Variants in KISS1R observed in about 807,000 individuals in gnomAD.
The protein encoded by KISS1R is KISS1 receptor.
In KISS1R, 19 loss-of-function variants were observed where a neutral mutation model predicts 22.0. The observed-to-expected ratio is 0.86, with a 90% CI of 0.60 to 1.26. The LOEUF is 1.26. Ranked by LOEUF, KISS1R falls within the 50% of genes most tolerant of loss-of-function variation. The probability of loss-of-function intolerance (pLI) is 0.00; values close to 1 mark genes in which losing one functional copy is unlikely to be tolerated. For missense variants in KISS1R, 653 were observed against 581.9 expected (o/e 1.12, Z -1.26); for synonymous variants, 302 against 283.9 (o/e 1.06, Z -0.64).
chr19:919,568 G>T lies in KISS1R; in HGVS notation c.448G>T (p.Ala150Ser), dbSNP rs1445430129. The change falls in exon 3 of 5, where the codon GCC becomes TCC. Residue 150 changes from alanine (A) to serine (S), a missense_variant. Ala to Ser is a moderately conservative substitution (Grantham distance 99). Transcript: ENST00000234371. Reference sequence around the variant, plus strand: ...GTACGTGACGGTGTTCCCGTTGCGCGCCCTGCACCGCCGCACGCCCCGCCT... The same window carrying T: ...GTACGTGACGGTGTTCCCGTTGCGCTCCCTGCACCGCCGCACGCCCCGCCT... ...RWYVTVFPLRALHRRTPRLAL... is the reference protein window; with the variant it reads ...RWYVTVFPLRSLHRRTPRLAL... 6.4e-6 allele frequency: 10 copies of T among 1,555,940 alleles called. No homozygotes were observed. Among genetic ancestry groups the T allele is most frequent in the Non-Finnish European group, 8.7e-6 (10 of 1,154,020 alleles).
At position 918,577 on chromosome 19, in the gene KISS1R, T is replaced by A; in HGVS notation, c.278T>A (p.Leu93Gln). 1 of 1,551,464 alleles carries A rather than the reference T, an allele frequency of 6.4e-7. No individual in the cohort carries two copies. Residue 93 changes from leucine to glutamine, a missense_variant, in exon 2 of 5, where the codon CTG (leucine) becomes CAG (glutamine). Physicochemically the swap from Leu to Gln is moderately radical, Grantham distance 113. Coordinates refer to ENST00000234371, the MANE Select transcript of KISS1R (RefSeq NM_032551.5). ...NLAATDVTFL[L>Q]CCVPFTALLY... The stretch of plus-strand genomic sequence containing the variant: ...GCGGCCACGGACGTGACCTTCCTCC[T>A]GTGCTGCGTCCCCTTCACGGCCCTG...
At chr19:918,013 C>G (rs2037073566) in intron 1 of KISS1R, among the ~76,000 whole-genome samples, 1 of 152,176 alleles carries the variant, frequency 6.6e-6, no homozygotes, top group African/African-American at 2.4e-5. Context: ...CGGGGCTCGC[C>G]CCGGTGCAGC....
rs2037068918 is a variant in KISS1R, at chr19:917,692, A to G, written c.190A>G (p.Ile64Val). ...GGGCCTGGTGGGGAACTCGCTGGTC[A>G]TCTACGTCATCTGCCGCCACAAGCC... is the stretch of plus-strand genomic sequence containing the variant. ...LLGLVGNSLV[I>V]YVICRHKPMR... Residue 64 changes from isoleucine (I) to valine (V), a missense_variant, in exon 1 of 5, where the codon ATC (isoleucine) becomes GTC (valine). Transcript: ENST00000234371. The G allele has an allele frequency of 1.3e-6, 2 of 1,596,474 alleles. No individual in the cohort carries two copies. The highest frequency in any genetic ancestry group is 1.7e-5 in the Admixed American group (1 of 57,582).
At position 920,605 on chromosome 19, in the gene KISS1R, G is replaced by A. The variant is rs2037112587; in HGVS notation, c.1054G>A (p.Gly352Arg). 3 of 1,395,794 alleles carry A rather than the reference G, an allele frequency of 2.1e-6. No homozygotes were observed. Among genetic ancestry groups the A allele is most frequent in the African/African-American group, 3.0e-5 (2 of 65,582 alleles). 86.5% of individuals were successfully genotyped at this position (1,395,794 alleles called of 1,614,324 possible). The change falls in exon 5 of 5, where the codon GGA becomes AGA. Residue 352 changes from glycine (G) to arginine (R), a missense_variant. Physicochemically the swap from Gly to Arg is moderately radical, Grantham distance 125 (BLOSUM62 -2). Coordinates refer to ENST00000234371, the MANE Select transcript of KISS1R (RefSeq NM_032551.5). ...CCGCCCCCGCCGCCCCCGCCGGCCC[G>A]GACCCTCGGACCCCGCAGCCCCACA... ...PRRPRRPRRP[G>R]PSDPAAPHAE...
Position 919,976 on chromosome 19 carries a change from C to T in KISS1R, c.608C>T (p.Ala203Val). ...TTCCCCAGCCGCGCCCTGGAGCGCG[C>T]CTTCGCACTGTACAACCTGCTGGCG... ...EAFPSRALER[A>V]FALYNLLALY... Residue 203 changes from alanine to valine, a missense_variant, in exon 4 of 5, where the codon GCC becomes GTC. Physicochemically the swap from Ala to Val is moderately conservative, Grantham distance 64. Coordinates refer to ENST00000234371, the MANE Select transcript of KISS1R (RefSeq NM_032551.5). 1 of 1,568,504 alleles carries T rather than the reference C, an allele frequency of 6.4e-7. No individual in the cohort carries two copies. The highest frequency in any genetic ancestry group is 8.6e-7 in the Non-Finnish European group (1 of 1,159,684).
Position 920,030 on chromosome 19 carries a change from G to A in KISS1R, c.662G>A (p.Cys221Tyr). ...ALYLLPLLAT[C>Y]ACYAAMLRHL... ...TACCTGCTGCCGCTGCTCGCCACCT[G>A]CGCCTGCTATGCGGCCATGCTGCGC... Residue 221 changes from cysteine (C) to tyrosine (Y), a missense_variant, in exon 4 of 5, where the codon TGC (cysteine) becomes TAC (tyrosine). Transcript: ENST00000234371. 2 of 1,540,412 alleles carry A rather than the reference G, an allele frequency of 1.3e-6. No individual in the cohort carries two copies. The highest frequency in any genetic ancestry group is 2.4e-5 in the South Asian group (2 of 84,086).
In KISS1R at chr19:917,592, G is replaced by T; in HGVS notation, c.90G>T (p.Ser30=). The T allele has an allele frequency of 6.5e-7, 1 of 1,546,284 alleles. No individual in the cohort carries two copies. The highest frequency in any genetic ancestry group is 2.4e-5 in the East Asian group (1 of 40,894). Residue 30 remains serine (S), a synonymous_variant, in exon 1 of 5, where the codon TCG becomes TCT. Transcript: ENST00000234371. ...GCCCGGGCTGTGGCGCCAACGCCTCGGACGGCCCAGTCCCTTCGCCGCGGG... is the reference window on the plus strand; with the variant it reads ...GCCCGGGCTGTGGCGCCAACGCCTCTGACGGCCCAGTCCCTTCGCCGCGGG... The part of the protein sequence containing the change: ...SGCPGCGANA[S]DGPVPSPRAV...
Position 918,549 on chromosome 19 carries a change from C to G in KISS1R, c.250C>G (p.Leu84Val), listed in dbSNP as rs369796710. ...CCCGCGCATCCCCACCGCAGCCAACCTGGCGGCCACGGACGTGACCTTCCT... is the reference window on the plus strand; with the variant it reads ...CCCGCGCATCCCCACCGCAGCCAACGTGGCGGCCACGGACGTGACCTTCCT... ...RTVTNFYIAN[L>V]AATDVTFLLC... The change falls in exon 2 of 5, where the codon CTG (leucine) becomes GTG (valine). Residue 84 changes from leucine (L) to valine (V), a missense_variant. Coordinates refer to ENST00000234371, the MANE Select transcript of KISS1R (RefSeq NM_032551.5). 1 of 1,549,850 alleles carries G rather than the reference C, an allele frequency of 6.5e-7. No homozygotes were observed. The highest frequency in any genetic ancestry group is 8.7e-7 in the Non-Finnish European group (1 of 1,147,242).
In KISS1R at chr19:917,672, T is replaced by C. The variant is rs1452815582; in HGVS notation, c.170T>C (p.Leu57Pro). The change falls in exon 1 of 5, where the codon CTG (leucine) becomes CCG (proline). Residue 57 changes from leucine to proline, a missense_variant. Physicochemically the swap from Leu to Pro is moderately conservative, Grantham distance 98 (BLOSUM62 -3). Coordinates refer to ENST00000234371, the MANE Select transcript of KISS1R (RefSeq NM_032551.5). Reference sequence around the variant, plus strand: ...TTCGCGGCGCTGATGCTGCTGGGCCTGGTGGGGAACTCGCTGGTCATCTAC... The same window carrying C: ...TTCGCGGCGCTGATGCTGCTGGGCCCGGTGGGGAACTCGCTGGTCATCTAC... ...LFFAALMLLGLVGNSLVIYVI... is the reference protein window; with the variant it reads ...LFFAALMLLGPVGNSLVIYVI... 2 of 1,596,026 alleles carry C rather than the reference T, an allele frequency of 1.3e-6. No individual in the cohort carries two copies. Among genetic ancestry groups the C allele is most frequent in the Admixed American group, 1.7e-5 (1 of 57,302 alleles).
Position 920,280 on chromosome 19 carries a change from AC to A in KISS1R, c.739-3del, listed in dbSNP as rs527398797. On this transcript the variant is annotated splice_polypyrimidine_tract_variant and intron_variant, in intron 4 of 4. Transcript: ENST00000234371. ...CCTTTCGTCTAACCACCTTCACGGCACCCCCCCAGGGGCAGGTGCTGGCAGA... is the reference window on the plus strand; with the variant it reads ...CCTTTCGTCTAACCACCTTCACGGCACCCCCCAGGGGCAGGTGCTGGCAGA... 3,146 of 1,565,858 alleles carry A rather than the reference AC, an allele frequency of 2.0e-3. 6 individuals carry two copies. Among genetic ancestry groups the A allele is most frequent in the Non-Finnish European group, 2.4e-3 (2,803 of 1,165,310 alleles).
In KISS1R at chr19:920,289, G is replaced by A; in HGVS notation, c.739-1G>A. On this transcript the variant is annotated splice_acceptor_variant, in intron 4 of 4. Coordinates refer to ENST00000234371, the MANE Select transcript of KISS1R (RefSeq NM_032551.5). LOFTEE classifies it high-confidence loss of function. Reference sequence around the variant, plus strand: ...TAACCACCTTCACGGCACCCCCCCAGGGGCAGGTGCTGGCAGAGCGCGCAG... The same window carrying A: ...TAACCACCTTCACGGCACCCCCCCAAGGGCAGGTGCTGGCAGAGCGCGCAG... 1.3e-6 allele frequency: 2 copies of A among 1,570,144 alleles called. No individual in the cohort carries two copies. The highest frequency in any genetic ancestry group is 8.6e-7 in the Non-Finnish European group (1 of 1,167,162).
rs350132 is a variant in KISS1R at position 920,642 on chromosome 19, T to A, written c.1091T>A (p.Leu364His). 0.76 allele frequency: 1,035,823 copies of A among 1,356,162 alleles called. 396,483 individuals carry two copies. The highest frequency in any genetic ancestry group is 0.9 in the African/African-American group (58,878 of 65,454). The allele number at this position is 1,356,162 out of a possible 1,614,324, so 84.0% of individuals were successfully genotyped here. A position where few individuals can be genotyped will look rare whatever the true frequency, so the allele number is the denominator to read the frequency against. The part of the protein sequence containing the change: ...SDPAAPHAEL[L>H]RLGSHPAPAR... ...CCCGCAGCCCCACACGCGGAGCTGC[T>A]CCGCCTGGGGTCCCACCCGGCCCCC... Residue 364 changes from leucine to histidine, a missense_variant, in exon 5 of 5, where the codon CTC (leucine) becomes CAC (histidine). Coordinates refer to ENST00000234371, the MANE Select transcript of KISS1R (RefSeq NM_032551.5).
At chr19:918,445 C>G in intron 1 of KISS1R, 99 bp from the exon 2 acceptor site, 2 of 1,413,446 alleles carry the variant, frequency 1.4e-6, no homozygotes, top group East Asian at 2.5e-5. Flanking sequence ...CTGCTGGTCA[C>G]TCGGACCAAG....
rs1311637711 is a variant in KISS1R, at chr19:920,075, T to C, written c.707T>C (p.Val236Ala). 1.3e-6 allele frequency: 2 copies of C among 1,511,762 alleles called. No individual in the cohort carries two copies. Among genetic ancestry groups the C allele is most frequent in the Admixed American group, 4.1e-5 (2 of 49,148 alleles). The allele number at this position is 1,511,762 out of a possible 1,614,324, so 93.6% of individuals were successfully genotyped here. ...AMLRHLGRVA[V>A]RPAPADSALQ... is the part of the protein sequence containing the mutation. ...CTGCGCCACCTGGGCCGGGTCGCCG[T>C]GCGCCCCGCGCCCGCCGATAGCGCC... Residue 236 changes from valine (V) to alanine (A), a missense_variant, in exon 4 of 5, where the codon GTG (valine) becomes GCG (alanine). By Grantham distance (64) the Val-to-Ala change is moderately conservative. Coordinates refer to ENST00000234371, the MANE Select transcript of KISS1R (RefSeq NM_032551.5).
rs1244545980 is a variant in KISS1R, at chr19:920,588, G to A, written c.1037G>A (p.Arg346His). 1 of 1,465,992 alleles carries A rather than the reference G, an allele frequency of 6.8e-7. No homozygotes were observed. Among genetic ancestry groups the A allele is most frequent in the South Asian group, 1.4e-5 (1 of 73,512 alleles). 90.8% of individuals were successfully genotyped at this position (1,465,992 alleles called of 1,614,324 possible). Reference protein sequence around the residue: ...RVCPCAPRRPRRPRRPGPSDP... With the variant: ...RVCPCAPRRPHRPRRPGPSDP... ...TGCCCCTGCGCGCCGCGCCGCCCCC[G>A]CCGCCCCCGCCGGCCCGGACCCTCG... Residue 346 changes from arginine to histidine, a missense_variant, in exon 5 of 5, where the codon CGC (arginine) becomes CAC (histidine). Physicochemically the swap from Arg to His is conservative, Grantham distance 29. Coordinates refer to ENST00000234371, the MANE Select transcript of KISS1R (RefSeq NM_032551.5).
rs867662591 is a variant in KISS1R, at chr19:919,523, G to T, written c.403G>T (p.Ala135Ser). Residue 135 changes from alanine (A) to serine (S), a missense_variant, in exon 3 of 5, where the codon GCC (alanine) becomes TCC (serine). Transcript: ENST00000234371. ...GCAGGCCACGTGTGCCACTCTGACC[G>T]CCATGAGTGTGGACCGCTGGTACGT... ...SVQATCATLT[A>S]MSVDRWYVTV... 6.4e-6 allele frequency: 10 copies of T among 1,561,940 alleles called. No homozygotes were observed. Among genetic ancestry groups the T allele is most frequent in the Non-Finnish European group, 8.6e-6 (10 of 1,158,568 alleles).
rs2037100463 is a variant in KISS1R, at chr19:919,902, C to A, written c.534C>A (p.Leu178=). The stretch of plus-strand genomic sequence containing the variant: ...CTGCGGCGGTGTCTGCGCCGGTGCT[C>A]GCCCTGCACCGCCTGTCACCCGGGC... ...VGSAAVSAPV[L]ALHRLSPGPR... Residue 178 remains leucine (L), a synonymous_variant, in exon 4 of 5, where the codon CTC becomes CTA. Coordinates refer to ENST00000234371, the MANE Select transcript of KISS1R (RefSeq NM_032551.5). 1.3e-6 allele frequency: 2 copies of A among 1,544,228 alleles called. No individual in the cohort carries two copies.
chr19:918,387 C>G (rs2037077204), intron 1 of KISS1R, among the ~76,000 whole-genome samples, 157 bp from the exon 2 acceptor site: 1 of 138,550 alleles, frequency 7.2e-6, no homozygotes, highest in African/African-American at 2.8e-5. Flanking sequence ...CTTCTCCGCC[C>G]GAGGAGGCCA....
chr19:919,443 C>A (rs1349730251), intron 2 of KISS1R, 47 bp from the exon 3 acceptor site: 1 of 1,536,834 alleles, frequency 6.5e-7, no homozygotes, highest in African/African-American at 1.4e-5. Flanking sequence ...ACAGGGCAGG[C>A]TCCCAACCGC....
Sources: allele counts gnomAD v4.1 joint callset (sites outside exome capture counted in the v4.1 genomes callset), GRCh38; gene constraint gnomAD v4.1.1; transcripts MANE v1.5; gene names NCBI Gene and HGNC (gene_info 2026-07-23, HGNC 2026-07-21).